The following IGSF11 variants were observed in gnomAD, a reference collection of about 807,000 sequenced individuals.
IGSF11 encodes immunoglobulin superfamily member 11, also known as CXADR like 1.
In IGSF11, 22 loss-of-function variants were observed where a neutral mutation model predicts 41.0. That is an observed-to-expected ratio of 0.54 (90% CI 0.38 to 0.77). The LOEUF is 0.77. Ranked by LOEUF, IGSF11 falls within the 30% of genes least tolerant of loss-of-function variation. The pLI is 0.00. For missense variants in IGSF11, 444 were observed against 530.8 expected, an observed-to-expected ratio of 0.84 and a Z score of 1.61; for synonymous variants, 219 against 201.3, an observed-to-expected ratio of 1.09 and a Z score of -0.74.
At chr3:119,078,209 G>A (rs1283513454) in intron 1 of IGSF11, among the ~76,000 whole-genome samples, 1 of 152,084 alleles carries the variant, frequency 6.6e-6, no homozygotes, top group Non-Finnish European at 1.5e-5. Context: ...AATAGCCAAA[G>A]TCATGTCAAA....
chr3:119,071,989 G>T (rs767718636), intron 1 of IGSF11, among the ~76,000 whole-genome samples: 14 of 152,010 alleles, frequency 9.2e-5, no homozygotes, highest in Non-Finnish European at 1.3e-4. Flanking sequence ...TACTTATTTA[G>T]GTATTCTTTA....
At chr3:118,958,886 C>A (rs1169855400) in intron 1 of IGSF11, among the ~76,000 whole-genome samples, 2 of 152,138 alleles carry the variant, frequency 1.3e-5, no homozygotes, top group East Asian at 1.9e-4. Flanking sequence ...GAGTTAGGAA[C>A]CGTGGAGAAT....
intron 1 of IGSF11, among the ~76,000 whole-genome samples, chr3:119,079,802 T>C (rs938151334): frequency 6.6e-6 from 1 of 152,212 alleles, no homozygotes; most frequent in Non-Finnish European, 1.5e-5. Flanking sequence ...AAATACCGCA[T>C]GTTCTCTTCT....
intron 1 of IGSF11, among the ~76,000 whole-genome samples, chr3:119,128,538 A>G (rs1290397560): frequency 6.6e-6 from 1 of 152,198 alleles, no homozygotes; most frequent in Admixed American, 6.5e-5. Context: ...CAGGCTCAAA[A>G]TAAAGGGATG....
chr3:118,948,439 A>C (rs1051714729), intron 1 of IGSF11: 1 of 152,186 alleles, frequency 6.6e-6, no homozygotes, highest in African/African-American at 2.4e-5. Flanking sequence ...CAAGAAATGA[A>C]GTTCCCACAA....
intron 4 of IGSF11, among the ~76,000 whole-genome samples, chr3:118,907,016 T>C (rs1473757247): frequency 3.9e-5 from 6 of 152,172 alleles, no homozygotes; most frequent in Non-Finnish European, 8.8e-5. Flanking sequence ...CATTCTGTCA[T>C]CTCAACCATT....
At chr3:118,955,000 CT>C (rs1278253413) in intron 1 of IGSF11, among the ~76,000 whole-genome samples, 1 of 152,076 alleles carries the variant, frequency 6.6e-6, no homozygotes, top group Non-Finnish European at 1.5e-5. Context: ...TGGAGATTCC[CT>C]AAAGAACTAC....
chr3:118,911,721 C>CAGAGAGAG (rs564142301), intron 4 of IGSF11, among the ~76,000 whole-genome samples: 1 of 149,374 alleles, frequency 6.7e-6, no homozygotes, highest in Admixed American at 6.7e-5. Flanking sequence ...AGAGGAGACA[C>CAGAGAGAG]AGAGAGAGAG....
intron 1 of IGSF11, among the ~76,000 whole-genome samples, chr3:119,041,840 T>C (rs1389926766): frequency 6.6e-6 from 1 of 152,172 alleles, no homozygotes; most frequent in African/African-American, 2.4e-5. Context: ...CTCCAGGTAA[T>C]TTTATCAGCA....
At chr3:119,087,403 T>TAC (rs1349971935) in intron 1 of IGSF11, among the ~76,000 whole-genome samples, 4,311 of 113,696 alleles carry the variant, frequency 0.038, 192 homozygotes, top group African/African-American at 0.13. Context: ...CACACACACA[T>TAC]ACACACACAC....
chr3:119,099,812 T>C (rs2076913214), intron 1 of IGSF11, among the ~76,000 whole-genome samples: 2 of 152,190 alleles, frequency 1.3e-5, no homozygotes, highest in African/African-American at 4.8e-5. Context: ...AGAAAAACAT[T>C]TTGCTGTATA....
At chr3:119,078,903 A>G (rs2076544560) in intron 1 of IGSF11, among the ~76,000 whole-genome samples, 1 of 152,176 alleles carries the variant, frequency 6.6e-6, no homozygotes, top group African/African-American at 2.4e-5. Flanking sequence ...AAAAATGGGC[A>G]AAGGACAGAA....
intron 1 of IGSF11, among the ~76,000 whole-genome samples, chr3:119,135,891 G>T (rs1329475890): frequency 1.3e-5 from 2 of 152,146 alleles, no homozygotes; most frequent in South Asian, 4.1e-4. Context: ...CCATAAAGAA[G>T]AATGAGTTCA....
chr3:119,047,036 A>T (rs1941385812), intron 1 of IGSF11, among the ~76,000 whole-genome samples: 2 of 147,944 alleles, frequency 1.4e-5, no homozygotes, highest in Admixed American at 1.4e-4. Flanking sequence ...CAGCCGCTGC[A>T]AAATCATGCC....
At chr3:119,065,576 T>C (rs1169294410) in intron 1 of IGSF11, among the ~76,000 whole-genome samples, 1 of 152,066 alleles carries the variant, frequency 6.6e-6, no homozygotes. Flanking sequence ...GTGGATTACC[T>C]GAGGTCAGGA....
chr3:119,092,288 A>G (rs1048191397), intron 1 of IGSF11, among the ~76,000 whole-genome samples: 1 of 152,100 alleles, frequency 6.6e-6, no homozygotes, highest in Admixed American at 6.5e-5. Context: ...ATAAAGAAAA[A>G]ATTTTTAATA....
At chr3:119,048,958 T>C (rs1559835377) in intron 1 of IGSF11, among the ~76,000 whole-genome samples, 2 of 152,326 alleles carry the variant, frequency 1.3e-5, no homozygotes, top group Admixed American at 6.5e-5. Flanking sequence ...CCCTTCATGG[T>C]AAAAACTCTC....
intron 1 of IGSF11, among the ~76,000 whole-genome samples, chr3:119,144,512 A>C (rs1481671454): frequency 6.6e-6 from 1 of 152,214 alleles, no homozygotes; most frequent in East Asian, 1.9e-4. Context: ...TGGAAAATTC[A>C]TACATATTTG....
intron 1 of IGSF11, among the ~76,000 whole-genome samples, chr3:119,127,240 G>A (rs2077415934): frequency 6.6e-6 from 1 of 151,590 alleles, no homozygotes; most frequent in Non-Finnish European, 1.5e-5. Context: ...GAATACACAA[G>A]TATCAACAGC....
Sources: allele counts gnomAD v4.1 joint callset (sites outside exome capture counted in the v4.1 genomes callset), GRCh38; gene constraint gnomAD v4.1.1; transcripts MANE v1.5; gene names NCBI Gene and HGNC (gene_info 2026-07-23, HGNC 2026-07-21).